GSE1: variants seen among roughly 807,000 people sequenced by gnomAD.
GSE1 encodes the protein genetic suppressor element 1.
Under a neutral mutation model 112.6 loss-of-function variants are expected in GSE1, and 32 were observed. The observed-to-expected ratio is 0.28, with a 90% CI of 0.21 to 0.38. GSE1 has a LOEUF of 0.38. GSE1 is among the 10% of genes least tolerant of loss of function. The pLI, the probability that GSE1 is intolerant of heterozygous loss-of-function variation, is 1.00. For missense variants in GSE1, 2,348 were observed against 1,699.2 expected, an observed-to-expected ratio of 1.38 and a Z score of -6.71; for synonymous variants, 1,115 against 735.6, an observed-to-expected ratio of 1.52 and a Z score of -8.35.
intron 2 of GSE1, among the ~76,000 whole-genome samples, chr16:85,460,573 G>A (rs2049943152): frequency 6.6e-6 from 1 of 152,236 alleles, no homozygotes; most frequent in African/African-American, 2.4e-5. Flanking sequence ...AGTGGGCGAC[G>A]TCACTTGTTA....
intron 1 of GSE1, among the ~76,000 whole-genome samples, chr16:85,261,743 A>G (rs1443745714): frequency 6.6e-6 from 1 of 152,184 alleles, no homozygotes; most frequent in African/African-American, 2.4e-5. Context: ...GTTCAGGTGC[A>G]CGCTAAGCAC....
At chr16:85,477,271 C>A (rs2050487755) in intron 2 of GSE1, among the ~76,000 whole-genome samples, 2 of 152,202 alleles carry the variant, frequency 1.3e-5, no homozygotes, top group Non-Finnish European at 2.9e-5. Flanking sequence ...GCTCCACAGC[C>A]TGTCCCGGGT....
At chr16:85,615,544 G>A (rs1164626149) in intron 1 of GSE1, among the ~76,000 whole-genome samples, 1 of 152,154 alleles carries the variant, frequency 6.6e-6, no homozygotes, top group Non-Finnish European at 1.5e-5. Flanking sequence ...GGCGGTGCCG[G>A]GCCAGAGCTG....
At chr16:85,496,774 C>A (rs2051193653) in intron 2 of GSE1, among the ~76,000 whole-genome samples, 1 of 152,188 alleles carries the variant, frequency 6.6e-6, no homozygotes, top group African/African-American at 2.4e-5. Context: ...ATGCTGTTGC[C>A]AGGGACCCAG....
intron 1 of GSE1, among the ~76,000 whole-genome samples, chr16:85,296,909 G>A (rs1005860402): frequency 1.3e-5 from 2 of 152,212 alleles, no homozygotes; most frequent in African/African-American, 4.8e-5. Flanking sequence ...CTGAACCCAG[G>A]GGGTCTGTCG....
chr16:85,451,074 C>CAAAAAAAAA (rs57839123), intron 2 of GSE1, among the ~76,000 whole-genome samples: 1 of 64,160 alleles, frequency 1.6e-5, no homozygotes, highest in Non-Finnish European at 2.8e-5. Context: ...AACGCCATCT[C>CAAAAAAAAA]AAAAAAAAAA....
At position 85,478,951 on chromosome 16, in the gene GSE1, T is replaced by C. The variant is rs867893457; in HGVS notation, c.2464+121308T>C. Among the ~76,000 whole-genome samples, 474 of 93,616 alleles carry C rather than the reference T, an allele frequency of 5.1e-3. 81 individuals carry two copies. Among genetic ancestry groups the C allele is most frequent in the African/African-American group, 0.019 (389 of 20,322 alleles). The allele number at this position is 93,616 out of a possible 152,430, so 61.4% of individuals were successfully genotyped here. On this transcript the variant is annotated intron_variant, in intron 2 of 2. Coordinates refer to the GSE1 transcript ENST00000637419. The stretch of plus-strand genomic sequence containing the variant: ...TCTCTTTCTTTCTTTCTTTCTTTTT[T>C]TTTCTTTCTTTCTTTCCTTCCTTCC...
chr16:85,631,887 T>A (rs974414091), intron 1 of GSE1, among the ~76,000 whole-genome samples: 4 of 152,208 alleles, frequency 2.6e-5, no homozygotes, highest in Non-Finnish European at 2.9e-5. Context: ...CCGCTGCGCC[T>A]CTGTGCACAG....
intron 1 of GSE1, among the ~76,000 whole-genome samples, chr16:85,261,518 C>G (rs551213678): frequency 1.3e-5 from 2 of 152,370 alleles, no homozygotes; most frequent in South Asian, 4.1e-4. Context: ...CCAGCTGGTT[C>G]TGACTGACAG....
chr16:85,453,641 G>A (rs2049744992), intron 2 of GSE1, among the ~76,000 whole-genome samples: 2 of 152,238 alleles, frequency 1.3e-5, no homozygotes, highest in South Asian at 2.1e-4. Flanking sequence ...AGGCTCAGGT[G>A]GGCAGTTCCT....
chr16:85,425,115 C>T (rs1002617382), intron 2 of GSE1, among the ~76,000 whole-genome samples: 9 of 152,184 alleles, frequency 5.9e-5, no homozygotes, highest in African/African-American at 1.9e-4. Context: ...CGCCCTGGGG[C>T]GGGGGGTTGT....
chr16:85,246,511 C>CG (rs1905850013), intron 1 of GSE1, among the ~76,000 whole-genome samples: 1 of 105,640 alleles, frequency 9.5e-6, no homozygotes, highest in South Asian at 3.9e-4. Flanking sequence ...CCCCCCCCCC[C>CG]CCGACGCTGT....
In GSE1 at chr16:85,654,962, C is replaced by T. The variant is rs759160083; in HGVS notation, c.768C>T (p.Ala256=). Residue 256 remains alanine, a synonymous_variant, in exon 5 of 16, where the codon GCC becomes GCT. Coordinates refer to ENST00000253458, the MANE Select transcript of GSE1 (RefSeq NM_014615.5). ...AAAYYHPSYL[A]PHPFPHPAFR... is the part of the protein sequence containing the mutation. ...CCTACTACCACCCCAGCTACCTGGC[C>T]CCACACCCCTTCCCCCACCCGGCCT... The T allele has an allele frequency of 1.8e-5, 29 of 1,605,896 alleles. 1 individual carries two copies. In the South Asian group the frequency reaches 2.3e-4, roughly 13 times the overall value.
At chr16:85,418,856 G>A (rs1456303854) in intron 2 of GSE1, among the ~76,000 whole-genome samples, 1 of 152,190 alleles carries the variant, frequency 6.6e-6, no homozygotes, top group Non-Finnish European at 1.5e-5. Context: ...AGAGCTGTCA[G>A]GATTTGCTGG....
At chr16:85,169,960 A>G in exon 1 of GSE1, 1 of 984,422 alleles carries the variant, frequency 1.0e-6, no homozygotes, top group Non-Finnish European at 1.2e-6. Context: ...CGCGCTGGGC[A>G]GCGCCACCGG....
At chr16:85,596,287 T>G (rs968562068) in intron 1 of GSE1, among the ~76,000 whole-genome samples, 5 of 152,156 alleles carry the variant, frequency 3.3e-5, no homozygotes, top group African/African-American at 1.2e-4. Flanking sequence ...AACGCATCAC[T>G]GACTTGGGAA....
At chr16:85,255,824 G>A (rs1354943741) in intron 1 of GSE1, among the ~76,000 whole-genome samples, 2 of 152,084 alleles carry the variant, frequency 1.3e-5, no homozygotes, top group African/African-American at 4.8e-5. Context: ...GAACAGCTGG[G>A]ACTACCAGTG....
At chr16:85,345,631 G>T (rs749773005) in intron 1 of GSE1, among the ~76,000 whole-genome samples, 1 of 151,818 alleles carries the variant, frequency 6.6e-6, no homozygotes, top group South Asian at 2.1e-4. Flanking sequence ...CCACCCACCC[G>T]CCCTTCTCTC....
At chr16:85,664,865 T>C in intron 11 of GSE1, 150 bp from the exon 12 acceptor site, 1 of 614,856 alleles carries the variant, frequency 1.6e-6, no homozygotes, top group Non-Finnish European at 2.9e-6. Flanking sequence ...GGTTGCTTCC[T>C]TTCAACTGGG....
Sources: gnomAD v4.1 joint callset for allele counts (sites outside exome capture counted in the v4.1 genomes callset) on GRCh38, gnomAD v4.1.1 for gene constraint, MANE v1.5 for transcripts, NCBI Gene and HGNC (gene_info 2026-07-23, HGNC 2026-07-21) for gene names.